The following ABCD4 variants were observed in gnomAD, a reference collection of about 807,000 sequenced individuals.
The protein encoded by ABCD4 is lysosomal cobalamin transporter ABCD4.
A neutral mutation model predicts 86.3 loss-of-function variants in ABCD4; 53 were observed. That is an observed-to-expected ratio of 0.61 (90% confidence interval 0.49 to 0.77). ABCD4 has a LOEUF of 0.77. Ranked by LOEUF, ABCD4 falls within the 30% of genes least tolerant of loss-of-function variation. ABCD4 has a pLI of 0.00. For synonymous variants in ABCD4, 328 were observed against 313.6 expected, an observed-to-expected ratio of 1.05 and a Z score of -0.49; for missense variants, 757 against 764.5, an observed-to-expected ratio of 0.99 and a Z score of 0.12.
intron 1 of ABCD4, 42 bp downstream of exon 1, chr14:74,302,833 G>A: frequency 6.3e-7 from 1 of 1,597,628 alleles, no homozygotes; most frequent in Non-Finnish European, 8.5e-7. Context: ...CTACAGCCCG[G>A]AACTCCTGCT....
chr14:74,300,085 A>G, intron 2 of ABCD4, 65 bp downstream of exon 2: 1 of 839,872 alleles, frequency 1.2e-6, no homozygotes, highest in East Asian at 2.7e-5. Flanking sequence ...AAAAAAAAAA[A>G]AAGATGGAAA....
At chr14:74,288,157 A>C in intron 16 of ABCD4, 50 bp downstream of exon 16, 1 of 1,593,810 alleles carries the variant, frequency 6.3e-7, no homozygotes, top group South Asian at 1.1e-5. Flanking sequence ...CCTGAAACCC[A>C]CTGTCTTTAT....
At chr14:74,289,552 A>C (rs1235954851) in intron 13 of ABCD4, 33 bp from the exon 14 acceptor site, 14 of 1,611,726 alleles carry the variant, frequency 8.7e-6, no homozygotes. Context: ...CCAACCTAGG[A>C]GGGCGAGCAA....
rs752469637 is a variant in ABCD4 at position 74,300,281 on chromosome 14, T to C, written c.39-13A>G. On this transcript the variant is annotated splice_polypyrimidine_tract_variant and intron_variant, in intron 1 of 18. Coordinates refer to ENST00000356924, the MANE Select transcript of ABCD4 (RefSeq NM_005050.4). Reference sequence around the variant, plus strand: ...ATCTAACCTGGGCCTGAAGAGAAGGTGGGGAGGCAGAGAAAAGCCCAAGAC... The same window carrying C: ...ATCTAACCTGGGCCTGAAGAGAAGGCGGGGAGGCAGAGAAAAGCCCAAGAC... 5 of 1,566,850 alleles carry C rather than the reference T, an allele frequency of 3.2e-6. No individual in the cohort carries two copies. The African/African-American group carries it at 5.4e-5, about 17-fold the overall frequency.
chr14:74,302,800 C>G, intron 1 of ABCD4, 75 bp downstream of exon 1: 1 of 1,411,880 alleles, frequency 7.1e-7, no homozygotes, highest in Non-Finnish European at 9.4e-7. Flanking sequence ...GGACGAGGCA[C>G]GGAGGGCAGG....
intron 4 of ABCD4, chr14:74,297,623 T>A: frequency 1.3e-6 from 1 of 799,450 alleles, no homozygotes; most frequent in Non-Finnish European, 1.6e-6. Context: ...CAGTGGCTAT[T>A]CCCAAGTGTG....
rs201276376 is a variant in ABCD4, at chr14:74,292,621, G to A, written c.958C>T (p.Leu320Phe). 1 of 1,614,004 alleles carries A rather than the reference G, an allele frequency of 6.2e-7. No individual in the cohort carries two copies. Among genetic ancestry groups the A allele is most frequent in the Non-Finnish European group, 8.5e-7 (1 of 1,179,986 alleles). The stretch of plus-strand genomic sequence containing the variant: ...ATGAGCTGGGTGAAGCAGCTGATGA[G>A]GTAGATGCACACAAAGGCATTCTGG... ...VSKNAFVCIYLISCFTQLIDL... is the reference protein window; with the variant it reads ...VSKNAFVCIYFISCFTQLIDL... The change falls in exon 10 of 19, where the codon CTC (leucine) becomes TTC (phenylalanine). Residue 320 changes from leucine (L) to phenylalanine (F), a missense_variant. Leu to Phe is a conservative substitution (Grantham distance 22). Coordinates refer to ENST00000356924, the MANE Select transcript of ABCD4 (RefSeq NM_005050.4).
intron 17 of ABCD4, among the ~76,000 whole-genome samples, chr14:74,287,272 G>C (rs1185276796): frequency 6.6e-6 from 1 of 152,190 alleles, no homozygotes; most frequent in African/African-American, 2.4e-5. Flanking sequence ...TTATGAGCTA[G>C]GCATAGTGGT....
rs142443294 is a variant in ABCD4 at position 74,292,286 on chromosome 14, C to T, written c.1118+1G>A. On this transcript the variant is annotated splice_donor_variant, in intron 11 of 18. Transcript: ENST00000356924. LOFTEE classifies it high-confidence loss of function. ...TACTGCTCTGCCAGCCCGCTACTCA[C>T]GTGTCCAAGCCCCACTCGCTCTCGC... The T allele has an allele frequency of 1.9e-5, 30 of 1,613,976 alleles. No individual in the cohort carries two copies. Among genetic ancestry groups the T allele is most frequent in the Non-Finnish European group, 2.5e-5 (29 of 1,179,994 alleles).
intron 3 of ABCD4, chr14:74,299,245 G>A (rs142514477): frequency 3.3e-4 from 87 of 260,310 alleles, no homozygotes; most frequent in African/African-American, 1.8e-3. Flanking sequence ...CCGTTTTAAT[G>A]AGCTGCCGGA....
Position 74,290,482 on chromosome 14 carries a change from G to C in ABCD4, c.1136C>G (p.Ala379Gly), listed in dbSNP as rs149139488. The change falls in exon 12 of 19, where the codon GCG (alanine) becomes GGG (glycine). Residue 379 changes from alanine to glycine, a missense_variant. Ala to Gly is a moderately conservative substitution (Grantham distance 60, BLOSUM62 0). Coordinates refer to ENST00000356924, the MANE Select transcript of ABCD4 (RefSeq NM_005050.4). ...WGLDTPPGWP[A>G]AEPADTAFLL... ...AAATGCTGTGTCTGCTGGCTCTGCC[G>C]CTGGCCACCCTGGGGGTCTGTGTCA... The C allele has an allele frequency of 1.2e-6, 2 of 1,613,364 alleles. No individual in the cohort carries two copies. Among genetic ancestry groups the C allele is most frequent in the African/African-American group, 2.7e-5 (2 of 74,898 alleles).
Position 74,299,657 on chromosome 14 carries a change from T to C in ABCD4, c.176A>G (p.Gln59Arg), listed in dbSNP as rs58272575. The C allele has an allele frequency of 0.012, 19,944 of 1,612,992 alleles. 2,072 individuals are homozygous for C. In the African/African-American group the frequency reaches 0.23, roughly 19 times the overall value. Residue 59 changes from glutamine (Q) to arginine (R), a missense_variant, in exon 3 of 19, where the codon CAG (glutamine) becomes CGG (arginine). Transcript: ENST00000356924. ...LTLLEQFVIY[Q>R]VGLIPSQYYG... is the part of the protein sequence containing the mutation. ...GTACTGACTGGGGATCAAGCCAACC[T>C]GGTAGATCACAAATTGCTCTGAAAG...
chr14:74,288,371 T>A (rs1378601920), intron 15 of ABCD4, 112 bp from the exon 16 acceptor site: 1 of 1,063,814 alleles, frequency 9.4e-7, no homozygotes, highest in Admixed American at 2.3e-5. Flanking sequence ...AAGACAAATA[T>A]ATGCCCCAGT....
At chr14:74,296,306 C>T (rs1055254470) in intron 5 of ABCD4, 27 bp downstream of exon 5, 2 of 1,607,632 alleles carry the variant, frequency 1.2e-6, no homozygotes, top group Non-Finnish European at 1.7e-6. Flanking sequence ...TGGGGAAACA[C>T]CAGGCTGGGG....
chr14:74,300,639 A>G (rs1201221882), intron 1 of ABCD4, among the ~76,000 whole-genome samples: 1 of 152,070 alleles, frequency 6.6e-6, no homozygotes, highest in Non-Finnish European at 1.5e-5. Context: ...AAAATTACAA[A>G]TGGATTAAAA....
intron 5 of ABCD4, 60 bp downstream of exon 5, chr14:74,296,273 G>C (rs2082833178): frequency 6.6e-7 from 1 of 1,517,830 alleles, no homozygotes; most frequent in African/African-American, 1.4e-5. Flanking sequence ...ACCTTGACCT[G>C]GGAGAGCTGA....
chr14:74,300,616 A>C (rs1343566230), intron 1 of ABCD4, among the ~76,000 whole-genome samples: 2 of 151,912 alleles, frequency 1.3e-5, no homozygotes, highest in Non-Finnish European at 2.9e-5. Context: ...AAAACCAAAA[A>C]CAAAAAACTT....
chr14:74,295,037 G>T, intron 7 of ABCD4, 111 bp downstream of exon 7: 12 of 1,336,414 alleles, frequency 9.0e-6, no homozygotes, highest in Non-Finnish European at 1.3e-5. Flanking sequence ...AGCCAAGTGT[G>T]ACAACACTCA....
At chr14:74,291,572 A>T (rs546692538) in intron 11 of ABCD4, among the ~76,000 whole-genome samples, 1 of 151,924 alleles carries the variant, frequency 6.6e-6, no homozygotes, top group South Asian at 2.1e-4. Flanking sequence ...CAGAACAGCA[A>T]TTCCAGTTTC....
Sources: allele counts gnomAD v4.1 joint callset (sites outside exome capture counted in the v4.1 genomes callset), GRCh38; gene constraint gnomAD v4.1.1; transcripts MANE v1.5; gene names NCBI Gene and HGNC (gene_info 2026-07-23, HGNC 2026-07-21).